THSD4: variants seen among roughly 807,000 people sequenced by gnomAD.
THSD4 encodes thrombospondin type-1 domain-containing protein 4.
In THSD4, 69 loss-of-function variants were observed where a neutral mutation model predicts 119.0. That is an observed-to-expected ratio of 0.58 (90% confidence interval 0.48 to 0.71). THSD4 has a LOEUF of 0.71. Ranked by LOEUF, THSD4 falls within the 30% of genes least tolerant of loss-of-function variation. THSD4 has a pLI of 0.00. For synonymous variants in THSD4, 524 were observed against 540.4 expected (o/e 0.97, Z 0.42); for missense variants, 1,393 against 1,391.1 (o/e 1.00, Z -0.02).
intron 6 of THSD4, among the ~76,000 whole-genome samples, chr15:71,390,516 A>G (rs2046362358): frequency 6.6e-6 from 1 of 152,138 alleles, no homozygotes; most frequent in Non-Finnish European, 1.5e-5. Context: ...CCAATTTTGG[A>G]TCTTGTATCT....
chr15:71,549,487 A>C (rs1004568834), intron 7 of THSD4: 2 of 152,232 alleles, frequency 1.3e-5, no homozygotes, highest in African/African-American at 2.4e-5. Flanking sequence ...AAGGAGCATG[A>C]GTATGAGTAG....
intron 7 of THSD4, among the ~76,000 whole-genome samples, chr15:71,415,499 G>T (rs1041249041): frequency 2.0e-5 from 3 of 152,076 alleles, no homozygotes; most frequent in Admixed American, 6.6e-5. Context: ...AGTAAATGGG[G>T]TATCCATCCC....
intron 8 of THSD4, among the ~76,000 whole-genome samples, chr15:71,681,598 C>CG (rs956936147): frequency 6.9e-5 from 10 of 145,716 alleles, no homozygotes; most frequent in African/African-American, 2.3e-4. Flanking sequence ...TCGATTGAAC[C>CG]GGGGGGGTGG....
chr15:71,264,550 G>A (rs1207121465), intron 6 of THSD4, among the ~76,000 whole-genome samples: 9 of 152,222 alleles, frequency 5.9e-5, no homozygotes, highest in African/African-American at 2.2e-4. Flanking sequence ...TGAATGGTGG[G>A]ACCCAACAGG....
At chr15:71,750,865 G>T (rs60359363) in intron 14 of THSD4, among the ~76,000 whole-genome samples, 1 of 152,154 alleles carries the variant, frequency 6.6e-6, no homozygotes, top group Non-Finnish European at 1.5e-5. Context: ...AAACATTAGC[G>T]CATGGTACTG....
In THSD4 at chr15:71,660,568, C is replaced by T. The variant is rs761869074; in HGVS notation, c.1191C>T (p.Val397=). 35 of 1,613,976 alleles carry T rather than the reference C, an allele frequency of 2.2e-5. No individual in the cohort carries two copies. Among genetic ancestry groups the T allele is most frequent in the East Asian group, 4.5e-5 (2 of 44,890 alleles). Residue 397 remains valine, a synonymous_variant, in exon 8 of 18, where the codon GTC becomes GTT. Coordinates refer to ENST00000261862, the MANE Select transcript of THSD4 (RefSeq NM_024817.3). ...GCDDYLGSDK[V]VDKCGVCGGD... ...ATGACTACTTAGGCTCCGACAAAGT[C>T]GTGGACAAATGTGGGGTGTGTGGAG...
At chr15:71,352,223 T>A (rs902549883) in intron 6 of THSD4, among the ~76,000 whole-genome samples, 1 of 152,244 alleles carries the variant, frequency 6.6e-6, no homozygotes, top group Non-Finnish European at 1.5e-5. Context: ...TTGGAAAGAC[T>A]GAAGCTTCCA....
chr15:71,334,287 G>A lies in THSD4; in HGVS notation c.1016-77400G>A, dbSNP rs111847977. Among the ~76,000 whole-genome samples, 1,262 of 152,216 alleles carry A rather than the reference G, an allele frequency of 8.3e-3. 27 individuals are homozygous for A. Among genetic ancestry groups the A allele is most frequent in the African/African-American group, 0.028 (1,183 of 41,534 alleles). On this transcript the variant is annotated intron_variant, in intron 6 of 17. Coordinates refer to ENST00000261862, the MANE Select transcript of THSD4 (RefSeq NM_024817.3). ...ATAAGGGTAATCTCTTCTCACAAAT[G>A]GGGAAACAGAGTTAAAGGACTTCTT...
rs151324071 is a variant in THSD4, at chr15:71,132,305, G to A, written c.-79-9144G>A. Among the ~76,000 whole-genome samples, 11 of 152,308 alleles carry A rather than the reference G, an allele frequency of 7.2e-5. No individual in the cohort carries two copies. In the East Asian group the frequency reaches 2.1e-3, roughly 29 times the overall value. On this transcript the variant is annotated intron_variant, in intron 1 of 17. Coordinates refer to ENST00000261862, the MANE Select transcript of THSD4 (RefSeq NM_024817.3). ...TTCATCATATTTTCCAACAATAAGG[G>A]AACATTATTAGATGTGTTATCAGGC...
intron 7 of THSD4, among the ~76,000 whole-genome samples, chr15:71,642,103 A>G (rs938933729): frequency 1.3e-5 from 2 of 152,214 alleles, no homozygotes; most frequent in East Asian, 3.8e-4. Flanking sequence ...TCAGGGATGA[A>G]CTGGCTTCCT....
intron 6 of THSD4, among the ~76,000 whole-genome samples, chr15:71,359,109 A>G (rs1229654819): frequency 6.6e-6 from 1 of 151,938 alleles, no homozygotes; most frequent in African/African-American, 2.4e-5. Flanking sequence ...ACCTTTTCCC[A>G]CCCTCCTGTC....
intron 8 of THSD4, among the ~76,000 whole-genome samples, chr15:71,709,296 C>A (rs2052460135): frequency 6.6e-6 from 1 of 152,142 alleles, no homozygotes; most frequent in Non-Finnish European, 1.5e-5. Context: ...TAGGCCTTAG[C>A]CAGTAATTAG....
intron 6 of THSD4, among the ~76,000 whole-genome samples, chr15:71,351,623 T>C (rs1716326349): frequency 6.6e-6 from 1 of 152,224 alleles, no homozygotes. Flanking sequence ...TCACATCATC[T>C]GTGGCAAGGC....
chr15:71,334,289 G>A (rs1427035139), intron 6 of THSD4, among the ~76,000 whole-genome samples: 2 of 152,096 alleles, frequency 1.3e-5, no homozygotes, highest in Non-Finnish European at 2.9e-5. Context: ...TCACAAATGG[G>A]GAAACAGAGT....
intron 7 of THSD4, among the ~76,000 whole-genome samples, chr15:71,455,958 C>T (rs1233015796): frequency 6.6e-6 from 1 of 152,184 alleles, no homozygotes. Flanking sequence ...CTGAGCCTGT[C>T]CGAAAGTCAG....
chr15:71,391,233 G>T (rs948616952), intron 6 of THSD4, among the ~76,000 whole-genome samples: 4 of 152,082 alleles, frequency 2.6e-5, no homozygotes, highest in African/African-American at 9.7e-5. Flanking sequence ...GTTTCACCGT[G>T]TTAGCCAGGA....
chr15:71,411,680 T>A lies in THSD4; in HGVS notation c.1016-7T>A. 6.2e-7 allele frequency: 1 copy of A among 1,613,090 alleles called. No homozygotes were observed. Among genetic ancestry groups the A allele is most frequent in the Non-Finnish European group, 8.5e-7 (1 of 1,179,286 alleles). On this transcript the variant is annotated splice_polypyrimidine_tract_variant and splice_region_variant and intron_variant, in intron 6 of 17. Coordinates refer to ENST00000261862, the MANE Select transcript of THSD4 (RefSeq NM_024817.3). The stretch of plus-strand genomic sequence containing the variant: ...TTATTTTATTTTATTTCATTTTACT[T>A]TGGTAGTAAAAGGCAATCGCAAATG...
intron 13 of THSD4, among the ~76,000 whole-genome samples, chr15:71,747,310 G>A (rs1006892325): frequency 6.6e-6 from 1 of 152,142 alleles, no homozygotes; most frequent in Admixed American, 6.5e-5. Context: ...TGTGAGTCAT[G>A]GTGAAGTGAA....
At chr15:71,462,445 G>T (rs2047442283) in intron 7 of THSD4, among the ~76,000 whole-genome samples, 2 of 152,156 alleles carry the variant, frequency 1.3e-5, no homozygotes, top group Non-Finnish European at 2.9e-5. Flanking sequence ...GAGCCACCAT[G>T]CCCAGCCCAG....
Sources: gnomAD v4.1 joint callset for allele counts (sites outside exome capture counted in the v4.1 genomes callset) on GRCh38, gnomAD v4.1.1 for gene constraint, MANE v1.5 for transcripts, NCBI Gene and HGNC (gene_info 2026-07-23, HGNC 2026-07-21) for gene names.